The following NRG1 variants were observed in gnomAD, a reference collection of about 807,000 sequenced individuals.
NRG1 encodes neuregulin 1, also known as pro-neuregulin-1, membrane-bound isoform.
NRG1 carries 18 observed loss-of-function variants against 63.8 expected under a neutral mutation model. That is an observed-to-expected ratio of 0.28 (90% CI 0.19 to 0.42). The LOEUF (loss-of-function observed/expected upper bound fraction) is 0.42. Among genes scored for constraint, NRG1 ranks in the 10% least tolerant of loss-of-function variants. NRG1 has a pLI of 1.00. For missense variants in NRG1, 762 were observed against 814.7 expected (o/e 0.94, Z 0.79); for synonymous variants, 302 against 301.3 (o/e 1.00, Z -0.02).
intron 1 of NRG1, among the ~76,000 whole-genome samples, chr8:32,336,827 C>A (rs1267678980): frequency 6.6e-6 from 1 of 152,128 alleles, no homozygotes; most frequent in Non-Finnish European, 1.5e-5. Context: ...CCAGGCTGGT[C>A]TCAAACTCCT....
At chr8:31,659,067 T>C (rs1434824145) in intron 1 of NRG1, among the ~76,000 whole-genome samples, 3 of 152,140 alleles carry the variant, frequency 2.0e-5, no homozygotes, top group African/African-American at 7.2e-5. Flanking sequence ...TCTCCAGATG[T>C]TTCTCATGCT....
At chr8:32,435,966 T>C (rs1387355486) in intron 1 of NRG1, among the ~76,000 whole-genome samples, 1 of 152,194 alleles carries the variant, frequency 6.6e-6, no homozygotes, top group African/African-American at 2.4e-5. Flanking sequence ...TCATCTACCA[T>C]TTTCCATTCT....
chr8:32,758,003 G>A (rs1312545940), intron 9 of NRG1, among the ~76,000 whole-genome samples: 3 of 152,084 alleles, frequency 2.0e-5, no homozygotes, highest in Non-Finnish European at 4.4e-5. Context: ...TACTTCCCAG[G>A]AAGATCCACA....
At position 32,027,777 on chromosome 8, in the gene NRG1, TG is replaced by T. The variant is rs1346230982; in HGVS notation, c.37+388349del. On this transcript the variant is annotated intron_variant, in intron 1 of 10. Transcript: ENST00000519301. ...CTCCTAAGATATTTTTTCTGTGCAATGGGAGAGGGGTTTTTGTCCAATCCCC... is the reference window on the plus strand; with the variant it reads ...CTCCTAAGATATTTTTTCTGTGCAATGGAGAGGGGTTTTTGTCCAATCCCC... 2.0e-5 allele frequency among the ~76,000 whole-genome samples: 3 copies of T among 152,132 alleles called. No individual in the cohort carries two copies. In the East Asian group the frequency reaches 5.8e-4, roughly 29 times the overall value.
At chr8:31,987,543 G>A (rs757377627) in intron 1 of NRG1, among the ~76,000 whole-genome samples, 7 of 151,928 alleles carry the variant, frequency 4.6e-5, no homozygotes, top group Non-Finnish European at 1.0e-4. Flanking sequence ...GCTGAACTGA[G>A]TATGCATGTA....
At chr8:32,315,563 C>T (rs1322788210) in intron 1 of NRG1, among the ~76,000 whole-genome samples, 1 of 152,188 alleles carries the variant, frequency 6.6e-6, no homozygotes, top group Non-Finnish European at 1.5e-5. Context: ...AACTTTGCTT[C>T]ACTGTCTATC....
chr8:31,772,437 G>A (rs1818713979), intron 1 of NRG1, among the ~76,000 whole-genome samples: 2 of 152,188 alleles, frequency 1.3e-5, no homozygotes, highest in African/African-American at 2.4e-5. Flanking sequence ...TCAACACAAG[G>A]TTGAGGATTA....
chr8:32,522,349 C>G (rs1382544732), intron 1 of NRG1, among the ~76,000 whole-genome samples: 1 of 152,148 alleles, frequency 6.6e-6, no homozygotes, highest in African/African-American at 2.4e-5. Flanking sequence ...TTTAATTTTT[C>G]TCTCTTTACC....
chr8:31,820,497 G>T (rs1423975145), intron 1 of NRG1, among the ~76,000 whole-genome samples: 1 of 152,126 alleles, frequency 6.6e-6, no homozygotes, highest in African/African-American at 2.4e-5. Context: ...TGTCCATTCA[G>T]TCATTCTTTA....
intron 1 of NRG1, among the ~76,000 whole-genome samples, chr8:31,998,877 G>T: frequency 6.6e-6 from 1 of 151,876 alleles, no homozygotes; most frequent in East Asian, 1.9e-4. Flanking sequence ...TGTAAATTCT[G>T]AATGAATTTC....
At chr8:32,237,093 C>T (rs1246470184) in intron 1 of NRG1, among the ~76,000 whole-genome samples, 1 of 152,162 alleles carries the variant, frequency 6.6e-6, no homozygotes, top group Admixed American at 6.5e-5. Flanking sequence ...AATCTTTCTG[C>T]ACTTTATATC....
At chr8:32,510,986 C>A (rs1259606710) in intron 1 of NRG1, among the ~76,000 whole-genome samples, 2 of 122,278 alleles carry the variant, frequency 1.6e-5, no homozygotes, top group Non-Finnish European at 3.4e-5. Flanking sequence ...AGCAGGGTCT[C>A]CCTATTTTTT....
intron 1 of NRG1, among the ~76,000 whole-genome samples, chr8:32,220,276 T>C (rs1320802489): frequency 6.6e-6 from 1 of 152,238 alleles, no homozygotes; most frequent in Non-Finnish European, 1.5e-5. Context: ...GCTTAGAGGC[T>C]CTTGCTCAGG....
intron 1 of NRG1, among the ~76,000 whole-genome samples, chr8:32,315,118 G>A (rs1227295412): frequency 1.3e-5 from 2 of 152,184 alleles, no homozygotes; most frequent in African/African-American, 4.8e-5. Context: ...TACATGTGCA[G>A]GACGTGCAGG....
rs576273441 is a variant in NRG1, at chr8:32,117,378, A to G, written c.37+477947A>G. 3.9e-4 allele frequency among the ~76,000 whole-genome samples: 60 copies of G among 152,246 alleles called. 1 individual carries two copies. The highest frequency in any genetic ancestry group is 1.3e-3 in the African/African-American group (55 of 41,564). On this transcript the variant is annotated intron_variant, in intron 1 of 10. Coordinates refer to the NRG1 transcript ENST00000519301. ...ACATTTTGTGGTTTGGTTGTTGTCGAATTTACTTTCCATGCATTATTTCCA... is the reference window on the plus strand; with the variant it reads ...ACATTTTGTGGTTTGGTTGTTGTCGGATTTACTTTCCATGCATTATTTCCA...
At chr8:32,597,782 G>C (rs563129954) in intron 2 of NRG1, among the ~76,000 whole-genome samples, 1 of 152,180 alleles carries the variant, frequency 6.6e-6, no homozygotes, top group East Asian at 1.9e-4. Flanking sequence ...GATCATAGTG[G>C]TAATTAATGG....
chr8:32,371,462 T>C (rs774795679), intron 1 of NRG1, among the ~76,000 whole-genome samples: 1 of 152,216 alleles, frequency 6.6e-6, no homozygotes, highest in Non-Finnish European at 1.5e-5. Context: ...GAACACTATT[T>C]GCCTACCCAA....
At chr8:31,919,169 A>G (rs1833682721) in intron 1 of NRG1, among the ~76,000 whole-genome samples, 1 of 151,736 alleles carries the variant, frequency 6.6e-6, no homozygotes, top group Non-Finnish European at 1.5e-5. Flanking sequence ...GGATTCATTG[A>G]TTTTTTTGAA....
At chr8:31,707,895 G>C (rs1359044535) in intron 1 of NRG1, among the ~76,000 whole-genome samples, 1 of 152,112 alleles carries the variant, frequency 6.6e-6, no homozygotes, top group Non-Finnish European at 1.5e-5. Flanking sequence ...AATTTGTATA[G>C]ATTTAATTTG....
Sources: allele counts gnomAD v4.1 joint callset (sites outside exome capture counted in the v4.1 genomes callset), GRCh38; gene constraint gnomAD v4.1.1; transcripts MANE v1.5; gene names NCBI Gene and HGNC (gene_info 2026-07-23, HGNC 2026-07-21).